Variants in RBFOX3 observed in about 807,000 individuals in gnomAD.
The protein encoded by RBFOX3 is RNA binding protein fox-1 homolog 3.
A neutral mutation model predicts 48.7 loss-of-function variants in RBFOX3; 17 were observed. The ratio of observed to expected loss-of-function variants is 0.35; its 90% confidence interval spans 0.24 to 0.52. The LOEUF (loss-of-function observed/expected upper bound fraction) is 0.52. Among genes scored for constraint, RBFOX3 ranks in the 20% least tolerant of loss-of-function variants. The pLI, the probability that RBFOX3 is intolerant of heterozygous loss-of-function variation, is 0.94. For synonymous variants in RBFOX3, 212 were observed against 209.5 expected (o/e 1.01, Z -0.10); for missense variants, 382 against 497.5 (o/e 0.77, Z 2.21).
chr17:79,328,000 C>T (rs1242260728), intron 2 of RBFOX3, among the ~76,000 whole-genome samples: 1 of 152,122 alleles, frequency 6.6e-6, no homozygotes, highest in Non-Finnish European at 1.5e-5. Context: ...GGCCTTCCTT[C>T]TCTCTCTTAT....
chr17:79,125,210 G>T (rs2036872604), intron 4 of RBFOX3, among the ~76,000 whole-genome samples: 1 of 152,204 alleles, frequency 6.6e-6, no homozygotes, highest in South Asian at 2.1e-4. Flanking sequence ...GCCCTGAGCA[G>T]GTTGGGGCTG....
intron 1 of RBFOX3, among the ~76,000 whole-genome samples, chr17:79,580,249 T>A: frequency 7.1e-6 from 1 of 140,096 alleles, no homozygotes; most frequent in South Asian, 2.5e-4. Context: ...CATCTCCTCC[T>A]CCTCCTCCCC....
the RBFOX3 span, among the ~76,000 whole-genome samples, chr17:79,625,942 G>A: frequency 5.9e-5 from 9 of 152,370 alleles, no homozygotes; most frequent in Admixed American, 2.6e-4. Flanking sequence ...CTTTGAGAGC[G>A]AGGGGGTTTG....
intron 1 of RBFOX3, among the ~76,000 whole-genome samples, chr17:79,517,882 C>T (rs1415914810): frequency 6.6e-5 from 10 of 152,214 alleles, no homozygotes; most frequent in African/African-American, 2.4e-4. Flanking sequence ...CCAAAGCTCC[C>T]GGCAGATCCC....
intron 13 of RBFOX3, among the ~76,000 whole-genome samples, chr17:79,095,277 T>G (rs2146244149): frequency 6.6e-6 from 1 of 152,214 alleles, no homozygotes; most frequent in African/African-American, 2.4e-5. Context: ...GAATCAGAGA[T>G]GCGGTCTCCA....
At chr17:79,508,417 T>C (rs2149812511) in intron 1 of RBFOX3, among the ~76,000 whole-genome samples, 1 of 152,272 alleles carries the variant, frequency 6.6e-6, no homozygotes, top group South Asian at 2.1e-4. Flanking sequence ...TGCCCGAGGC[T>C]GGGCCGCCGC....
At chr17:79,540,750 C>A (rs555106914) in intron 1 of RBFOX3, among the ~76,000 whole-genome samples, 2 of 152,356 alleles carry the variant, frequency 1.3e-5, no homozygotes, top group East Asian at 1.9e-4. Context: ...AGCTTCAGTG[C>A]CCCCATCTGT....
chr17:79,578,435 C>T (rs2092933519), intron 1 of RBFOX3, among the ~76,000 whole-genome samples: 2 of 152,382 alleles, frequency 1.3e-5, no homozygotes, highest in Admixed American at 6.5e-5. Flanking sequence ...TGTGTGGGCA[C>T]ACAGGTGCCG....
rs79469515 is a variant in RBFOX3 at position 79,535,720 on chromosome 17, T to G, written c.-319-53122A>C. On this transcript the variant is annotated intron_variant, in intron 1 of 14. Coordinates refer to ENST00000693108, the MANE Select transcript of RBFOX3 (RefSeq NM_001350451.2). The surrounding 1 kb of genome is among the most constrained non-coding windows in gnomAD (Gnocchi z 4.5). ...GGGGACAGTCAATCGGACATAGGAA[T>G]AACGTGTCCTCTGCACCCAGGAAGC... Among the ~76,000 whole-genome samples, 1,735 of 152,206 alleles carry G rather than the reference T, an allele frequency of 0.011. 28 individuals are homozygous for G. Among genetic ancestry groups the G allele is most frequent in the African/African-American group, 0.04 (1,663 of 41,512 alleles).
In RBFOX3 at chr17:79,238,981, G is replaced by A. The variant is rs1041153212; in HGVS notation, c.-73-3176C>T. 3.3e-5 allele frequency among the ~76,000 whole-genome samples: 5 copies of A among 152,084 alleles called. No individual in the cohort carries two copies. In the South Asian group the frequency reaches 8.3e-4, roughly 25 times the overall value. ...CCCGAGCCCAGCTTCGTCCTCCATCGTTTCACAGAACCTCCAGGGTCACGA... is the reference window on the plus strand; with the variant it reads ...CCCGAGCCCAGCTTCGTCCTCCATCATTTCACAGAACCTCCAGGGTCACGA... On this transcript the variant is annotated intron_variant, in intron 3 of 14. Coordinates refer to ENST00000693108, the MANE Select transcript of RBFOX3 (RefSeq NM_001350451.2).
intron 3 of RBFOX3, among the ~76,000 whole-genome samples, chr17:79,280,328 G>A (rs994014408): frequency 3.9e-5 from 6 of 152,208 alleles, no homozygotes; most frequent in South Asian, 4.2e-4. Flanking sequence ...CCCACCCTCT[G>A]AGGAAACCAT....
intron 2 of RBFOX3, among the ~76,000 whole-genome samples, chr17:79,318,672 G>A (rs1371388444): frequency 6.6e-6 from 1 of 151,740 alleles, no homozygotes; most frequent in Non-Finnish European, 1.5e-5. Flanking sequence ...GGCTAACACG[G>A]CGAAACCCTG....
chr17:79,159,017 A>G (rs1012401456), intron 4 of RBFOX3, among the ~76,000 whole-genome samples: 1 of 152,238 alleles, frequency 6.6e-6, no homozygotes, highest in Non-Finnish European at 1.5e-5. Context: ...GCGAGGCTGC[A>G]GGCCATGTCC....
At chr17:79,257,663 C>G (rs1159080880) in intron 3 of RBFOX3, among the ~76,000 whole-genome samples, 1 of 152,200 alleles carries the variant, frequency 6.6e-6, no homozygotes, top group Non-Finnish European at 1.5e-5. Context: ...TCACTGCAGC[C>G]TCCACCTCCT....
chr17:79,199,048 A>G lies in RBFOX3; in HGVS notation c.-34+36718T>C, dbSNP rs1407187395. On this transcript the variant is annotated intron_variant, in intron 4 of 14. Transcript: ENST00000693108. This position sits in a 1 kb window ranked among gnomAD's most constrained non-coding sequence, Gnocchi z 5.1. ...CTGTAACTCAGTTGTGAGGCTGTTGACTGAGAACTGGTTTTTAGGGAGAGA... is the reference window on the plus strand; with the variant it reads ...CTGTAACTCAGTTGTGAGGCTGTTGGCTGAGAACTGGTTTTTAGGGAGAGA... Among the ~76,000 whole-genome samples the G allele has an allele frequency of 6.6e-6, 1 of 152,144 alleles. No individual in the cohort carries two copies. Among genetic ancestry groups the G allele is most frequent in the Non-Finnish European group, 1.5e-5 (1 of 68,010 alleles).
chr17:79,211,965 A>C (rs749835737), intron 4 of RBFOX3, among the ~76,000 whole-genome samples: 1 of 152,174 alleles, frequency 6.6e-6, no homozygotes, highest in African/African-American at 2.4e-5. Flanking sequence ...CCTGCCCACA[A>C]GGAACTCCCC....
At chr17:79,335,439 C>T (rs544467573) in intron 2 of RBFOX3, among the ~76,000 whole-genome samples, 16 of 152,276 alleles carry the variant, frequency 1.1e-4, no homozygotes, top group African/African-American at 2.6e-4. Flanking sequence ...TACTTTAACA[C>T]GCACAGACAC....
intron 4 of RBFOX3, among the ~76,000 whole-genome samples, chr17:79,193,165 C>T (rs914261129): frequency 1.3e-5 from 2 of 152,242 alleles, no homozygotes; most frequent in African/African-American, 4.8e-5. Flanking sequence ...GCCGTTTCCT[C>T]CAAAGCACCT....
intron 1 of RBFOX3, among the ~76,000 whole-genome samples, chr17:79,537,130 A>T (rs1555788920): frequency 1.3e-5 from 2 of 151,816 alleles, no homozygotes; most frequent in Admixed American, 6.6e-5. Context: ...AAAAAAAAAA[A>T]ACCAAAAAAG....
Sources: gnomAD v4.1 joint callset for allele counts (sites outside exome capture counted in the v4.1 genomes callset) on GRCh38, gnomAD v4.1.1 for gene constraint, Gnocchi (gnomAD v3.1) non-coding constraint, MANE v1.5 for transcripts, NCBI Gene and HGNC (gene_info 2026-07-23, HGNC 2026-07-21) for gene names.